FREM1: variants seen among roughly 807,000 people sequenced by gnomAD.
The protein encoded by FREM1 is FRAS1-related extracellular matrix protein 1.
A neutral mutation model predicts 210.1 loss-of-function variants in FREM1; 220 were observed. That is an observed-to-expected ratio of 1.05 (90% CI 0.94 to 1.17). FREM1 has a LOEUF of 1.17. FREM1 is among the 50% of genes most tolerant of loss of function. The pLI, the probability that FREM1 is intolerant of heterozygous loss-of-function variation, is 0.00. For synonymous variants in FREM1, 1,189 were observed against 980.2 expected, an observed-to-expected ratio of 1.21 and a Z score of -3.98; for missense variants, 3,454 against 2,675.5, an observed-to-expected ratio of 1.29 and a Z score of -6.42.
chr9:14,741,176 G>A (rs765088803), intron 35 of FREM1, among the ~76,000 whole-genome samples: 13 of 152,114 alleles, frequency 8.5e-5, no homozygotes, highest in Non-Finnish European at 1.6e-4. Context: ...CTTTTTGCCT[G>A]GTTAATATCC....
chr9:14,821,503 G>C (rs1327313201), intron 13 of FREM1, among the ~76,000 whole-genome samples: 2 of 152,192 alleles, frequency 1.3e-5, no homozygotes, highest in African/African-American at 4.8e-5. Flanking sequence ...TTGATGGCCT[G>C]TATCTCATAC....
Position 14,860,542 on chromosome 9 carries a change from TACAC to T in FREM1, c.330-1062_330-1059del, listed in dbSNP as rs201277636. Among the ~76,000 whole-genome samples the T allele has an allele frequency of 4.5e-3, 534 of 119,830 alleles. 9 individuals are homozygous for T. The highest frequency in any genetic ancestry group is 0.017 in the African/African-American group (470 of 27,622). The allele number at this position is 119,830 out of a possible 152,430, so 78.6% of individuals were successfully genotyped here. A position where few individuals can be genotyped will look rare whatever the true frequency, so the allele number is the denominator to read the frequency against. On this transcript the variant is annotated intron_variant, in intron 3 of 36. Transcript: ENST00000380880. ...GGTACGTAGTAGGTATGTATATATA[TACAC>T]ATATATATACACACATATATATACA...
At chr9:14,881,290 G>T (rs1834751152) in intron 1 of FREM1, among the ~76,000 whole-genome samples, 1 of 152,114 alleles carries the variant, frequency 6.6e-6, no homozygotes, top group Admixed American at 6.6e-5. Flanking sequence ...TGGTCAGCCT[G>T]TCTCTAGACC....
At chr9:14,803,026 CTT>C (rs1817586414) in intron 19 of FREM1, among the ~76,000 whole-genome samples, 1 of 125,556 alleles carries the variant, frequency 8.0e-6, no homozygotes, top group Admixed American at 8.8e-5. Context: ...TTTCTTTCTT[CTT>C]TCTCTTTCTT....
intron 20 of FREM1, among the ~76,000 whole-genome samples, chr9:14,799,699 T>C (rs1412941151): frequency 2.6e-5 from 4 of 152,174 alleles, no homozygotes; most frequent in African/African-American, 9.7e-5. Flanking sequence ...ATTTGTAGCA[T>C]GTGGTTTATT....
At chr9:14,757,139 G>A (rs909167100) in intron 28 of FREM1, among the ~76,000 whole-genome samples, 2 of 152,212 alleles carry the variant, frequency 1.3e-5, no homozygotes, top group African/African-American at 4.8e-5. Context: ...CTAGTCTAAG[G>A]AGACTATTGA....
intron 21 of FREM1, among the ~76,000 whole-genome samples, chr9:14,794,816 G>A (rs1179308451): frequency 6.6e-6 from 1 of 151,878 alleles, no homozygotes; most frequent in Non-Finnish European, 1.5e-5. Flanking sequence ...TGGCCAACAT[G>A]GTGAAACCCC....
intron 1 of FREM1, among the ~76,000 whole-genome samples, chr9:14,877,143 T>C (rs1282582206): frequency 6.6e-6 from 1 of 152,142 alleles, no homozygotes; most frequent in Non-Finnish European, 1.5e-5. Flanking sequence ...CTGTTTTGTA[T>C]CTACACTCAT....
chr9:14,845,046 G>A (rs1049674601), intron 8 of FREM1, among the ~76,000 whole-genome samples: 5 of 152,138 alleles, frequency 3.3e-5, no homozygotes, highest in Admixed American at 1.3e-4. Flanking sequence ...AGAATTCCCT[G>A]CTCACAAATG....
intron 3 of FREM1, among the ~76,000 whole-genome samples, chr9:14,860,926 T>A (rs573431458): frequency 8.0e-6 from 1 of 124,494 alleles, no homozygotes; most frequent in South Asian, 2.4e-4. Context: ...TACACATATA[T>A]ACACATATAC....
At chr9:14,866,906 C>T (rs1404365621) in intron 2 of FREM1, among the ~76,000 whole-genome samples, 1 of 151,974 alleles carries the variant, frequency 6.6e-6, no homozygotes, top group Non-Finnish European at 1.5e-5. Context: ...ATCACCCAGG[C>T]TGGAGTGTAG....
At position 14,879,850 on chromosome 9, in the gene FREM1, CA is replaced by C. The variant is rs569664404; in HGVS notation, c.-267-10607del. ...GGGCATGGAGAAAAATATGGACAGA[CA>C]AGCATTAGGTTGTTGGTAGGTACAA... is the stretch of plus-strand genomic sequence containing the variant. On this transcript the variant is annotated intron_variant, in intron 1 of 36. Transcript: ENST00000380880. Among the ~76,000 whole-genome samples the C allele has an allele frequency of 2.0e-4, 30 of 152,200 alleles. 1 individual carries two copies. In the South Asian group the frequency reaches 6.0e-3, roughly 31 times the overall value.
intron 3 of FREM1, among the ~76,000 whole-genome samples, chr9:14,859,979 T>C (rs1435962263): frequency 2.0e-5 from 3 of 152,268 alleles, no homozygotes; most frequent in Non-Finnish European, 2.9e-5. Context: ...TATTCAGCAA[T>C]TGCCACTTCC....
intron 1 of FREM1, among the ~76,000 whole-genome samples, chr9:14,908,172 T>C (rs1053464744): frequency 4.6e-5 from 7 of 152,240 alleles, no homozygotes; most frequent in African/African-American, 1.7e-4. Context: ...AGCTGAGCTC[T>C]GACTTTCACA....
rs1216128273 is a variant in FREM1 at position 14,748,455 on chromosome 9, A to G, written c.5742T>C (p.Phe1914=). The G allele has an allele frequency of 1.9e-6, 3 of 1,613,780 alleles. No homozygotes were observed. Among genetic ancestry groups the G allele is most frequent in the Admixed American group, 3.3e-5 (2 of 59,976 alleles). Residue 1914 remains phenylalanine, a synonymous_variant, in exon 31 of 37, where the codon TTT becomes TTC. Transcript: ENST00000380880. ...TCCTTTGAGAAAGATCTGTAGAATC[A>G]AAGCCCCGCAGGGTGTCTCCCCTGA... ...AVIRGDTLRG[F]DSTDLSQRKL... is the part of the protein sequence containing the mutation.
chr9:14,831,881 C>G (rs972443577), intron 10 of FREM1, among the ~76,000 whole-genome samples: 5 of 152,180 alleles, frequency 3.3e-5, no homozygotes, highest in African/African-American at 1.2e-4. Flanking sequence ...AAGTCATGTG[C>G]GGCACATTTA....
intron 27 of FREM1, among the ~76,000 whole-genome samples, chr9:14,768,343 T>C (rs1846842918): frequency 6.6e-6 from 1 of 151,330 alleles, no homozygotes; most frequent in South Asian, 2.1e-4. Context: ...TTTTACATTT[T>C]CTTGAGAATT....
At chr9:14,774,857 G>C (rs1192197301) in intron 25 of FREM1, among the ~76,000 whole-genome samples, 1 of 152,130 alleles carries the variant, frequency 6.6e-6, no homozygotes, top group Non-Finnish European at 1.5e-5. Context: ...GTGTGTATTT[G>C]ATCAAATTAT....
chr9:14,791,655 T>A (rs969770776), intron 22 of FREM1, among the ~76,000 whole-genome samples: 2 of 152,150 alleles, frequency 1.3e-5, no homozygotes, highest in South Asian at 4.1e-4. Context: ...TCAGATAGAA[T>A]ACAGAACAAT....
Sources: gnomAD v4.1 joint callset for allele counts (sites outside exome capture counted in the v4.1 genomes callset) on GRCh38, gnomAD v4.1.1 for gene constraint, MANE v1.5 for transcripts, NCBI Gene and HGNC (gene_info 2026-07-23, HGNC 2026-07-21) for gene names.